The following ADAMTS20 variants were observed in gnomAD, a reference collection of about 807,000 sequenced individuals.
ADAMTS20 encodes the protein ADAM metallopeptidase with thrombospondin type 1 motif 20.
Under a neutral mutation model 260.1 loss-of-function variants are expected in ADAMTS20, and 225 were observed. The observed-to-expected ratio is 0.87, with a 90% confidence interval of 0.78 to 0.97. The LOEUF (loss-of-function observed/expected upper bound fraction) is 0.97. Ranked by LOEUF, ADAMTS20 falls within the 50% of genes least tolerant of loss-of-function variation. ADAMTS20 has a pLI of 0.00. For synonymous variants in ADAMTS20, 802 were observed against 769.5 expected, an observed-to-expected ratio of 1.04 and a Z score of -0.70; for missense variants, 2,400 against 2,337.7, an observed-to-expected ratio of 1.03 and a Z score of -0.55.
At chr12:43,417,996 A>C (rs1232707651) in intron 28 of ADAMTS20, among the ~76,000 whole-genome samples, 1 of 152,172 alleles carries the variant, frequency 6.6e-6, no homozygotes, top group African/African-American at 2.4e-5. Flanking sequence ...CTGCAACTAC[A>C]ACTGCTGCTG....
At chr12:43,501,873 G>A (rs566216627) in intron 4 of ADAMTS20, among the ~76,000 whole-genome samples, 5 of 152,158 alleles carry the variant, frequency 3.3e-5, no homozygotes, top group Admixed American at 1.3e-4. Flanking sequence ...GTCACTAGAG[G>A]GCAGAAGCCA....
intron 38 of ADAMTS20, among the ~76,000 whole-genome samples, chr12:43,355,751 TAGAA>T (rs893120653): frequency 2.6e-4 from 40 of 152,074 alleles, no homozygotes; most frequent in African/African-American, 9.7e-4. Context: ...CCATAAGTAA[TAGAA>T]AGCATTTCAT....
At chr12:43,523,929 C>A (rs961751244) in intron 3 of ADAMTS20, among the ~76,000 whole-genome samples, 5 of 151,680 alleles carry the variant, frequency 3.3e-5, no homozygotes, top group African/African-American at 1.2e-4. Context: ...GCTTTATGGC[C>A]CCATACATCA....
At chr12:43,519,533 G>A (rs1292861560) in intron 3 of ADAMTS20, among the ~76,000 whole-genome samples, 1 of 152,064 alleles carries the variant, frequency 6.6e-6, no homozygotes, top group Non-Finnish European at 1.5e-5. Context: ...ACAAGAACAG[G>A]AGTCTCCTCT....
At chr12:43,450,644 A>G (rs922340483) in intron 14 of ADAMTS20, among the ~76,000 whole-genome samples, 2 of 152,124 alleles carry the variant, frequency 1.3e-5, no homozygotes, top group Non-Finnish European at 2.9e-5. Flanking sequence ...GTATTTGTTC[A>G]TGGGGAGATG....
chr12:43,376,379 A>G (rs1262221007), intron 33 of ADAMTS20, 49 bp from the exon 34 acceptor site: 1 of 1,474,390 alleles, frequency 6.8e-7, no homozygotes, highest in Non-Finnish European at 9.2e-7. Context: ...TTACAAACAC[A>G]GCAAGAACTT....
At chr12:43,549,232 C>T (rs2137534548) in intron 2 of ADAMTS20, among the ~76,000 whole-genome samples, 1 of 151,452 alleles carries the variant, frequency 6.6e-6, no homozygotes, top group East Asian at 1.9e-4. Flanking sequence ...AATAAATCTT[C>T]ACACGTAACA....
intron 33 of ADAMTS20, 83 bp from the exon 34 acceptor site, chr12:43,376,413 C>T: frequency 6.9e-7 from 1 of 1,443,236 alleles, no homozygotes; most frequent in South Asian, 1.3e-5. Flanking sequence ...TTGCTACACT[C>T]TGAATATCTG....
chr12:43,460,467 A>G (rs558026680), intron 11 of ADAMTS20, among the ~76,000 whole-genome samples: 25 of 152,306 alleles, frequency 1.6e-4, no homozygotes, highest in Middle Eastern at 6.8e-3. Flanking sequence ...ATACAGAGTA[A>G]TTGGAACTTT....
In ADAMTS20 at chr12:43,432,647, T is replaced by C. The variant is rs758591347; in HGVS notation, c.2885A>G (p.His962Arg). The change falls in exon 20 of 39, where the codon CAT becomes CGT. Residue 962 changes from histidine (H) to arginine (R), a missense_variant. His to Arg is a conservative substitution (Grantham distance 29, BLOSUM62 0). Coordinates refer to ENST00000389420, the MANE Select transcript of ADAMTS20 (RefSeq NM_025003.5). ...QLKPPTQELC[H>R]GNCVFTRWHY... ...CCATCTTGTGAAGACACAGTTACCA[T>C]GGCATAGTTCTTGGGTAGGAGGTTT... 1 of 1,614,002 alleles carries C rather than the reference T, an allele frequency of 6.2e-7. No individual in the cohort carries two copies. Among genetic ancestry groups the C allele is most frequent in the East Asian group, 2.2e-5 (1 of 44,870 alleles).
chr12:43,551,419 A>G lies in ADAMTS20; in HGVS notation c.92-149T>C. 1 of 1,179,224 alleles carries G rather than the reference A, an allele frequency of 8.5e-7. No individual in the cohort carries two copies. The highest frequency in any genetic ancestry group is 2.7e-5 in the Admixed American group (1 of 36,636). 73.0% of individuals were successfully genotyped at this position (1,179,224 alleles called of 1,614,324 possible). ...TGCACACATGCTGATGCGCACGCAC[A>G]CACACACACGTGCACTGGGACGGTT... On this transcript the variant is annotated intron_variant, in intron 1 of 38. Coordinates refer to ENST00000389420, the MANE Select transcript of ADAMTS20 (RefSeq NM_025003.5). The surrounding 1 kb of genome is among the most constrained non-coding windows in gnomAD (Gnocchi z 4.6).
chr12:43,505,316 G>A (rs1035554379), intron 3 of ADAMTS20, among the ~76,000 whole-genome samples: 8 of 152,054 alleles, frequency 5.3e-5, no homozygotes, highest in Non-Finnish European at 1.2e-4. Context: ...AAAAATTATT[G>A]TTCAAAGGAC....
chr12:43,424,577 C>A (rs1335074202), intron 28 of ADAMTS20, among the ~76,000 whole-genome samples: 1 of 151,922 alleles, frequency 6.6e-6, no homozygotes, highest in Non-Finnish European at 1.5e-5. Context: ...TGACAAAAAA[C>A]AAGTTTTAAA....
chr12:43,428,171 T>C (rs1941367742), intron 26 of ADAMTS20, 70 bp downstream of exon 26: 5 of 1,479,806 alleles, frequency 3.4e-6, no homozygotes, highest in African/African-American at 1.4e-5. Context: ...TGGCATCATA[T>C]ACATACCTGT....
At position 43,470,560 on chromosome 12, in the gene ADAMTS20, T is replaced by TA. The variant is rs1215500783; in HGVS notation, c.1118-1856_1118-1855insT. ...TAGACTCATTCAAGCTAATTCTGGG[T>TA]TCTCTAAAAGTTTAAAGATAGAATA... On this transcript the variant is annotated intron_variant, in intron 7 of 38. Transcript: ENST00000389420. 5.9e-5 allele frequency among the ~76,000 whole-genome samples: 9 copies of TA among 152,280 alleles called. No individual in the cohort carries two copies. In the South Asian group the frequency reaches 1.0e-3, roughly 18 times the overall value.
chr12:43,472,790 A>G (rs1341698920), intron 7 of ADAMTS20, among the ~76,000 whole-genome samples: 4 of 151,810 alleles, frequency 2.6e-5, no homozygotes, highest in Non-Finnish European at 1.5e-5. Context: ...AAATGCTGAG[A>G]GATTTTGTCA....
chr12:43,510,972 A>G (rs1274257978), intron 3 of ADAMTS20, among the ~76,000 whole-genome samples: 2 of 152,094 alleles, frequency 1.3e-5, no homozygotes, highest in African/African-American at 2.4e-5. Context: ...TTATCTTTCT[A>G]TTAATGTGAG....
intron 3 of ADAMTS20, among the ~76,000 whole-genome samples, chr12:43,526,657 T>C (rs1010477233): frequency 1.3e-5 from 2 of 152,102 alleles, no homozygotes; most frequent in Non-Finnish European, 2.9e-5. Context: ...GTGACACAAG[T>C]TATCAAAATC....
chr12:43,496,568 T>A (rs950269434), intron 4 of ADAMTS20, among the ~76,000 whole-genome samples: 6 of 152,198 alleles, frequency 3.9e-5, no homozygotes, highest in Admixed American at 3.3e-4. Flanking sequence ...GACCTGGTCT[T>A]TAGTTCCAGC....
Sources: gnomAD v4.1 joint callset for allele counts (sites outside exome capture counted in the v4.1 genomes callset) on GRCh38, gnomAD v4.1.1 for gene constraint, Gnocchi (gnomAD v3.1) non-coding constraint, MANE v1.5 for transcripts, NCBI Gene and HGNC (gene_info 2026-07-23, HGNC 2026-07-21) for gene names.